KAZN: variants seen among roughly 807,000 people sequenced by gnomAD.
KAZN encodes kazrin.
Under a neutral mutation model 87.4 loss-of-function variants are expected in KAZN, and 40 were observed. That is an observed-to-expected ratio of 0.46 (90% CI 0.36 to 0.60). The LOEUF is 0.60. KAZN is among the 20% of genes least tolerant of loss of function. KAZN has a pLI of 0.00. For missense variants in KAZN, 898 were observed against 1,073.9 expected (o/e 0.84, Z 2.29); for synonymous variants, 466 against 458.3 (o/e 1.02, Z -0.22).
At chr1:14,835,782 C>T (rs1250143941) in intron 1 of KAZN, among the ~76,000 whole-genome samples, 1 of 152,124 alleles carries the variant, frequency 6.6e-6, no homozygotes, top group African/African-American at 2.4e-5. Flanking sequence ...GACTCTTTCC[C>T]TGGCTCCTAT....
At chr1:14,131,505 A>G (rs1644992071) in intron 1 of KAZN, among the ~76,000 whole-genome samples, 1 of 152,114 alleles carries the variant, frequency 6.6e-6, no homozygotes, top group Non-Finnish European at 1.5e-5. Flanking sequence ...TCTCCAGCAC[A>G]TTAGATATAT....
chr1:14,504,629 G>C (rs1387867347), intron 2 of KAZN, among the ~76,000 whole-genome samples: 4 of 152,156 alleles, frequency 2.6e-5, no homozygotes, highest in African/African-American at 9.7e-5. Flanking sequence ...GCTAATCAGG[G>C]GCAATGGGCT....
chr1:14,822,429 T>C (rs1250755376), intron 1 of KAZN, among the ~76,000 whole-genome samples: 1 of 152,224 alleles, frequency 6.6e-6, no homozygotes, highest in Non-Finnish European at 1.5e-5. Flanking sequence ...GCCTCAGGGT[T>C]GCTTACATGG....
At chr1:13,919,331 T>A (rs1316314708) in intron 1 of KAZN, among the ~76,000 whole-genome samples, 1 of 152,274 alleles carries the variant, frequency 6.6e-6, no homozygotes, top group African/African-American at 2.4e-5. Flanking sequence ...TCTGTCTGGC[T>A]CCTTTTGCTC....
chr1:15,060,038 G>A, intron 5 of KAZN, 134 bp from the exon 6 acceptor site: 1 of 1,184,988 alleles, frequency 8.4e-7, no homozygotes. Context: ...GGAGAACCAG[G>A]CAAGTCTCTT....
At chr1:13,983,092 C>T (rs1638820219) in intron 1 of KAZN, among the ~76,000 whole-genome samples, 1 of 152,286 alleles carries the variant, frequency 6.6e-6, no homozygotes, top group Non-Finnish European at 1.5e-5. Flanking sequence ...AGGAGCCCAG[C>T]TGGCTTCACC....
rs543757502 is a variant in KAZN at position 15,091,524 on chromosome 1, G to T, written c.1223-2656G>T. 5.6e-3 allele frequency among the ~76,000 whole-genome samples: 854 copies of T among 152,194 alleles called. 1 individual carries two copies. Among genetic ancestry groups the T allele is most frequent in the Middle Eastern group, 0.017 (5 of 294 alleles). On this transcript the variant is annotated intron_variant, in intron 8 of 14. Coordinates refer to ENST00000376030, the MANE Select transcript of KAZN (RefSeq NM_201628.3). ...CACGCCCACGCCGGGATAATTTTTT[G>T]TAATTTTAGTAGAGATGGGATTTCA...
In KAZN at chr1:14,441,611, A is replaced by G. The variant is rs543982544; in HGVS notation, c.250-157372A>G. On this transcript the variant is annotated intron_variant, in intron 2 of 16. Coordinates refer to the KAZN transcript ENST00000636203. ...TACGTTTGGATTTTAACACAAATTA[A>G]TTGTTTGCAGCTGCAACCCTCAAAT... is the stretch of plus-strand genomic sequence containing the variant. Among the ~76,000 whole-genome samples the G allele has an allele frequency of 1.4e-4, 22 of 152,210 alleles. No homozygotes were observed. In the South Asian group the frequency reaches 2.1e-3, roughly 14 times the overall value.
intron 13 of KAZN, among the ~76,000 whole-genome samples, chr1:15,107,368 G>A (rs1384188284): frequency 6.6e-6 from 1 of 152,114 alleles, no homozygotes; most frequent in Admixed American, 6.5e-5. Flanking sequence ...TCCAAGAAAG[G>A]CTTTGGCTCC....
Position 15,066,254 on chromosome 1 carries a change from G to A in KAZN, c.1222+501G>A, listed in dbSNP as rs187192536. On this transcript the variant is annotated intron_variant, in intron 8 of 14. Transcript: ENST00000376030. The surrounding 1 kb of genome is among the most constrained non-coding windows in gnomAD (Gnocchi z 4.3). ...AAATAACAAAACTATTGTGCACTCT[G>A]TGCTTGTAAATGTCCCTCGTCCAAA... 111 of 986,082 alleles carry A rather than the reference G, an allele frequency of 1.1e-4. 3 individuals are homozygous for A. The East Asian group carries it at 9.6e-3, about 86-fold the overall frequency. The allele number at this position is 986,082 out of a possible 1,614,324, so 61.1% of individuals were successfully genotyped here.
At chr1:15,072,808 T>TCTCA (rs1332873041) in intron 8 of KAZN, among the ~76,000 whole-genome samples, 1 of 150,026 alleles carries the variant, frequency 6.7e-6, no homozygotes, top group Non-Finnish European at 1.5e-5. Flanking sequence ...TGCTGTGTAG[T>TCTCA]CTCAGGTCAC....
chr1:14,153,344 T>C (rs1570886691), intron 1 of KAZN, among the ~76,000 whole-genome samples: 2 of 152,346 alleles, frequency 1.3e-5, no homozygotes, highest in East Asian at 3.9e-4. Context: ...TAGATTTAAG[T>C]CTTTAATCAT....
chr1:14,239,838 C>T (rs1648783308), intron 2 of KAZN, among the ~76,000 whole-genome samples: 2 of 152,016 alleles, frequency 1.3e-5, no homozygotes, highest in Admixed American at 1.3e-4. Context: ...TTGGTTGCCA[C>T]AACCAACAAT....
chr1:14,980,726 C>G (rs1376060805), intron 2 of KAZN, among the ~76,000 whole-genome samples: 1 of 152,190 alleles, frequency 6.6e-6, no homozygotes, highest in South Asian at 2.1e-4. Flanking sequence ...GGGGGTGTCT[C>G]GGAAACCATT....
At chr1:15,058,514 C>G (rs1017422891) in intron 5 of KAZN, among the ~76,000 whole-genome samples, 1 of 152,240 alleles carries the variant, frequency 6.6e-6, no homozygotes, top group Non-Finnish European at 1.5e-5. Flanking sequence ...AGTGCCAATG[C>G]CTGCAGACAG....
rs1639830265 is a variant in KAZN, at chr1:15,077,913, T to TG, written c.1222+12164dup. On this transcript the variant is annotated intron_variant, in intron 8 of 14. Coordinates refer to ENST00000376030, the MANE Select transcript of KAZN (RefSeq NM_201628.3). The surrounding 1 kb of genome is among the most constrained non-coding windows in gnomAD (Gnocchi z 4.8). ...TACTAAGTGCCTACTGTGCCAGGCA[T>TG]GGGGTAGGCATTTGATGTACACTCA... Among the ~76,000 whole-genome samples the TG allele has an allele frequency of 6.6e-6, 1 of 152,086 alleles. No homozygotes were observed. Among genetic ancestry groups the TG allele is most frequent in the Non-Finnish European group, 1.5e-5 (1 of 68,028 alleles).
chr1:14,659,233 TA>T (rs1639001076), intron 1 of KAZN, among the ~76,000 whole-genome samples: 1 of 151,290 alleles, frequency 6.6e-6, no homozygotes, highest in Non-Finnish European at 1.5e-5. Context: ...TGTCTTAAAA[TA>T]AAATAAAATA....
At chr1:13,911,897 A>G (rs1032561088) in intron 1 of KAZN, among the ~76,000 whole-genome samples, 14 of 152,248 alleles carry the variant, frequency 9.2e-5, no homozygotes, top group Non-Finnish European at 1.9e-4. Context: ...TAAGAAGTGA[A>G]GGATGTGGGT....
At chr1:14,097,108 G>A (rs1644146367) in intron 1 of KAZN, among the ~76,000 whole-genome samples, 2 of 151,958 alleles carry the variant, frequency 1.3e-5, no homozygotes, top group South Asian at 2.1e-4. Context: ...CTGCTAGGGG[G>A]GCAAGTTTTG....
Sources: allele counts gnomAD v4.1 joint callset (sites outside exome capture counted in the v4.1 genomes callset), GRCh38; gene constraint gnomAD v4.1.1; non-coding constraint Gnocchi (gnomAD v3.1); transcripts MANE v1.5; gene names NCBI Gene and HGNC (gene_info 2026-07-23, HGNC 2026-07-21).